Variants in COLEC10 observed in about 807,000 individuals in gnomAD.
COLEC10 encodes the protein collectin-10.
A neutral mutation model predicts 28.4 loss-of-function variants in COLEC10; 22 were observed. That is an observed-to-expected ratio of 0.78 (90% CI 0.55 to 1.11). The LOEUF is 1.11. Among genes scored for constraint, COLEC10 ranks in the 50% least tolerant of loss-of-function variants. The pLI is 0.00. For synonymous variants in COLEC10, 125 were observed against 116.1 expected (o/e 1.08, Z -0.49); for missense variants, 361 against 344.1 (o/e 1.05, Z -0.39).
chr8:119,011,995 T>C (rs1443460510), intron 2 of COLEC10, among the ~76,000 whole-genome samples: 5 of 150,808 alleles, frequency 3.3e-5, no homozygotes, highest in East Asian at 3.9e-4. Context: ...CTTTTCAGTA[T>C]GATATTGAAA....
intron 1 of COLEC10, among the ~76,000 whole-genome samples, chr8:119,083,206 T>G (rs1202081372): frequency 6.6e-6 from 1 of 152,202 alleles, no homozygotes; most frequent in Non-Finnish European, 1.5e-5. Context: ...GGGATGAGTC[T>G]TCACACCATT....
chr8:119,006,503 A>G (rs1338464183), intron 1 of COLEC10, among the ~76,000 whole-genome samples: 2 of 152,082 alleles, frequency 1.3e-5, no homozygotes, highest in Non-Finnish European at 2.9e-5. Context: ...CTAAGAATCT[A>G]TTTTAAATAC....
At chr8:119,101,544 G>C (rs1375181616) in intron 3 of COLEC10, among the ~76,000 whole-genome samples, 4 of 152,146 alleles carry the variant, frequency 2.6e-5, no homozygotes, top group African/African-American at 9.7e-5. Context: ...TGAGAAAATG[G>C]TTACATATAA....
At position 119,089,476 on chromosome 8, in the gene COLEC10, G is replaced by A. The variant is rs570386142; in HGVS notation, c.149-204G>A. Among the ~76,000 whole-genome samples the A allele has an allele frequency of 2.0e-5, 3 of 152,294 alleles. No homozygotes were observed. In the East Asian group the frequency reaches 5.8e-4, roughly 29 times the overall value. On this transcript the variant is annotated intron_variant, in intron 1 of 5. Coordinates refer to ENST00000332843, the MANE Select transcript of COLEC10 (RefSeq NM_006438.5). ...TTCTTCAAACATAGAGTTGGATGTG[G>A]AGAAAAGTAAAAAATATACTGGAAG...
At chr8:119,097,226 A>T (rs1815738449) in intron 3 of COLEC10, among the ~76,000 whole-genome samples, 1 of 152,044 alleles carries the variant, frequency 6.6e-6, no homozygotes, top group Admixed American at 6.6e-5. Flanking sequence ...ATCAAGCTGA[A>T]TCTTTGTGTT....
chr8:119,055,747 C>G (rs1449944682), intron 2 of COLEC10, among the ~76,000 whole-genome samples: 8 of 152,046 alleles, frequency 5.3e-5, no homozygotes, highest in African/African-American at 1.7e-4. Context: ...TTTTGCACTG[C>G]CAAAACATCG....
the COLEC10 span, among the ~76,000 whole-genome samples, chr8:118,986,517 A>C: frequency 6.6e-6 from 1 of 152,318 alleles, no homozygotes; most frequent in East Asian, 1.9e-4. Flanking sequence ...AGAAACAATA[A>C]AAATTATTTT....
At chr8:119,037,375 G>A (rs969662095) in intron 2 of COLEC10, among the ~76,000 whole-genome samples, 2 of 152,062 alleles carry the variant, frequency 1.3e-5, no homozygotes, top group African/African-American at 4.8e-5. Flanking sequence ...GAATAAATAA[G>A]TATATGCCAG....
the COLEC10 span, among the ~76,000 whole-genome samples, chr8:118,983,150 A>G: frequency 6.6e-6 from 1 of 152,154 alleles, no homozygotes; most frequent in Non-Finnish European, 1.5e-5. Context: ...ACAGAATTAG[A>G]GTGAGATCCT....
At chr8:119,040,090 G>A (rs949810963) in intron 2 of COLEC10, among the ~76,000 whole-genome samples, 13 of 152,102 alleles carry the variant, frequency 8.5e-5, no homozygotes, top group African/African-American at 3.1e-4. Flanking sequence ...TTAGGTTAGT[G>A]GACCCCGTAA....
chr8:119,032,799 G>T (rs1814314833), intron 2 of COLEC10, among the ~76,000 whole-genome samples: 1 of 152,204 alleles, frequency 6.6e-6, no homozygotes, highest in Non-Finnish European at 1.5e-5. Context: ...CTACCTGGGA[G>T]GCTGAGGCAG....
intron 1 of COLEC10, among the ~76,000 whole-genome samples, chr8:119,084,875 C>T (rs539854250): frequency 6.6e-6 from 1 of 151,956 alleles, no homozygotes; most frequent in South Asian, 2.1e-4. Flanking sequence ...GTAAAAAAAA[C>T]ACAGCCAAGT....
intron 3 of COLEC10, among the ~76,000 whole-genome samples, chr8:119,101,627 G>A (rs977887985): frequency 8.5e-5 from 13 of 152,138 alleles, no homozygotes; most frequent in Non-Finnish European, 1.3e-4. Flanking sequence ...TGTATTATTA[G>A]TATTTGCATA....
intron 1 of COLEC10, among the ~76,000 whole-genome samples, chr8:119,071,749 A>G (rs879474434): frequency 2.6e-5 from 4 of 152,168 alleles, no homozygotes; most frequent in African/African-American, 7.2e-5. Flanking sequence ...TTCTAAACCT[A>G]GAAGAGCTCC....
rs73709539 is a variant in COLEC10 at position 119,036,086 on chromosome 8, C to T, written n.235+26533C>T. ...ATTTAATAAAATTAATTCAAGCACA[C>T]GGTTTTAAAAAACAAAACAGACACA... On this transcript the variant is annotated intron_variant and non_coding_transcript_variant, in intron 2 of 6. Transcript: ENST00000521788. Among the ~76,000 whole-genome samples the T allele has an allele frequency of 1.9e-3, 292 of 152,116 alleles. 2 individuals are homozygous for T. Among genetic ancestry groups the T allele is most frequent in the African/African-American group, 6.6e-3 (276 of 41,510 alleles).
intron 2 of COLEC10, among the ~76,000 whole-genome samples, chr8:119,031,678 T>A (rs1176272487): frequency 1.3e-5 from 2 of 152,204 alleles, no homozygotes; most frequent in South Asian, 2.1e-4. Flanking sequence ...CATTCCCCTA[T>A]ATCTTAGTGC....
At chr8:119,027,011 T>A (rs1223231220) in intron 2 of COLEC10, among the ~76,000 whole-genome samples, 41 of 152,128 alleles carry the variant, frequency 2.7e-4, no homozygotes, top group Non-Finnish European at 2.9e-5. Flanking sequence ...GGAGTCTGGG[T>A]TGACTGTCAC....
the COLEC10 span, among the ~76,000 whole-genome samples, chr8:118,980,062 T>C: frequency 2.2e-3 from 335 of 152,162 alleles, no homozygotes; most frequent in South Asian, 5.2e-3. Flanking sequence ...CAACCTAATT[T>C]CAGAAGTCAT....
chr8:118,981,358 C>T, the COLEC10 span, among the ~76,000 whole-genome samples: 1,199 of 152,124 alleles, frequency 7.9e-3, 10 homozygotes, highest in African/African-American at 0.027. Flanking sequence ...TGTTGCTTCC[C>T]TATGTCTATT....
Sources: allele counts gnomAD v4.1 joint callset (sites outside exome capture counted in the v4.1 genomes callset), GRCh38; gene constraint gnomAD v4.1.1; transcripts MANE v1.5; gene names NCBI Gene and HGNC (gene_info 2026-07-23, HGNC 2026-07-21).